ELAVL2: variants seen among roughly 807,000 people sequenced by gnomAD.
ELAVL2 encodes ELAV like RNA binding protein 2.
In ELAVL2, 4 loss-of-function variants were observed where a neutral mutation model predicts 34.6. The ratio of observed to expected loss-of-function variants is 0.12; its 90% CI spans 0.06 to 0.26. ELAVL2 has a LOEUF of 0.26. Among genes scored for constraint, ELAVL2 ranks in the 10% least tolerant of loss-of-function variants. ELAVL2 has a pLI of 1.00. For synonymous variants in ELAVL2, 193 were observed against 154.8 expected, an observed-to-expected ratio of 1.25 and a Z score of -1.83; for missense variants, 432 against 442.8, an observed-to-expected ratio of 0.98 and a Z score of 0.22.
chr9:23,826,593 G>A (rs2065314569), upstream of ELAVL2, among the ~76,000 whole-genome samples: 2 of 152,238 alleles, frequency 1.3e-5, no homozygotes, highest in Admixed American at 6.5e-5. Flanking sequence ...AATGTGGAGA[G>A]AGCAACGTGG....
At chr9:23,831,960 G>A in the ELAVL2 span, among the ~76,000 whole-genome samples, 5 of 152,142 alleles carry the variant, frequency 3.3e-5, no homozygotes, top group African/African-American at 1.2e-4. Flanking sequence ...TAAACAATTT[G>A]AAAAGTACAG....
Position 23,762,238 on chromosome 9 carries a change from A to G in ELAVL2, c.-4T>C. 1 of 1,613,288 alleles carries G rather than the reference A, an allele frequency of 6.2e-7. No homozygotes were observed. The highest frequency in any genetic ancestry group is 8.5e-7 in the Non-Finnish European group (1 of 1,179,490). ...CATTAGACAGTTGTGTTTCCATGGC[A>G]GCAATTACCTGCTAAAAACAGAGAA... On this transcript the variant is annotated 5_prime_UTR_variant, in exon 2 of 7. Transcript: ENST00000397312.
intron 2 of ELAVL2, among the ~76,000 whole-genome samples, chr9:23,761,453 CAAG>C (rs1411149491): frequency 1.3e-5 from 2 of 151,966 alleles, no homozygotes; most frequent in Non-Finnish European, 2.9e-5. Flanking sequence ...ATCTTTATAA[CAAG>C]AAGGACAATC....
At chr9:23,693,855 C>T (rs1323629154) in intron 5 of ELAVL2, among the ~76,000 whole-genome samples, 1 of 152,210 alleles carries the variant, frequency 6.6e-6, no homozygotes, top group African/African-American at 2.4e-5. Flanking sequence ...TTTCACAACT[C>T]TGTTGGTGCC....
chr9:23,849,363 C>T, the ELAVL2 span, among the ~76,000 whole-genome samples: 2 of 152,164 alleles, frequency 1.3e-5, no homozygotes, highest in African/African-American at 2.4e-5. Flanking sequence ...TGTATTATTT[C>T]ATCATCATTT....
chr9:23,804,339 A>C (rs2061948666), intron 1 of ELAVL2, among the ~76,000 whole-genome samples: 1 of 152,136 alleles, frequency 6.6e-6, no homozygotes, highest in African/African-American at 2.4e-5. Flanking sequence ...AATTTCATGA[A>C]CACTTTGAAC....
At chr9:23,714,205 C>G (rs897934628) in intron 3 of ELAVL2, among the ~76,000 whole-genome samples, 2 of 152,230 alleles carry the variant, frequency 1.3e-5, no homozygotes, top group Admixed American at 6.5e-5. Context: ...GTTTATGCAG[C>G]ATCATCATCC....
At chr9:23,802,782 GATCT>G (rs1256590085) in intron 1 of ELAVL2, among the ~76,000 whole-genome samples, 2 of 152,160 alleles carry the variant, frequency 1.3e-5, no homozygotes, top group Non-Finnish European at 2.9e-5. Context: ...CAGTTGACTA[GATCT>G]ATTAAGCCAG....
At chr9:23,788,205 T>C (rs1228337326) in intron 1 of ELAVL2, among the ~76,000 whole-genome samples, 6 of 152,154 alleles carry the variant, frequency 3.9e-5, no homozygotes, top group Non-Finnish European at 8.8e-5. Context: ...ATATAAAATA[T>C]AACAAGTGAG....
intron 3 of ELAVL2, among the ~76,000 whole-genome samples, chr9:23,727,832 TGA>T (rs1460094435): frequency 6.6e-6 from 1 of 152,056 alleles, no homozygotes; most frequent in Non-Finnish European, 1.5e-5. Context: ...AAAACCCTAC[TGA>T]GCTAATGCTA....
chr9:23,790,025 T>C (rs1381239163), intron 1 of ELAVL2, among the ~76,000 whole-genome samples: 2 of 150,802 alleles, frequency 1.3e-5, no homozygotes, highest in Non-Finnish European at 3.0e-5. Context: ...GCTTGAATAA[T>C]CCATTAAGAT....
intron 5 of ELAVL2, among the ~76,000 whole-genome samples, chr9:23,698,086 A>C (rs1293025606): frequency 6.6e-6 from 1 of 152,220 alleles, no homozygotes; most frequent in Non-Finnish European, 1.5e-5. Flanking sequence ...TCAAGTGCTC[A>C]TTTAAAAGGC....
intron 1 of ELAVL2, among the ~76,000 whole-genome samples, chr9:23,785,717 A>G (rs554670148): frequency 6.6e-6 from 1 of 152,330 alleles, no homozygotes. Flanking sequence ...CCAGGTCTGC[A>G]TCAATCTGTA....
At chr9:23,750,277 G>A (rs1022467743) in intron 2 of ELAVL2, among the ~76,000 whole-genome samples, 1 of 151,848 alleles carries the variant, frequency 6.6e-6, no homozygotes, top group Non-Finnish European at 1.5e-5. Flanking sequence ...ATGTTATCAC[G>A]CCTTTTTGCA....
chr9:23,699,028 T>G (rs1476610961), intron 5 of ELAVL2, among the ~76,000 whole-genome samples: 1 of 152,224 alleles, frequency 6.6e-6, no homozygotes, highest in Non-Finnish European at 1.5e-5. Context: ...CCCTTACAAC[T>G]GACAATCTCT....
At chr9:23,760,835 G>C (rs2054806635) in intron 2 of ELAVL2, among the ~76,000 whole-genome samples, 1 of 151,998 alleles carries the variant, frequency 6.6e-6, no homozygotes, top group African/African-American at 2.4e-5. Flanking sequence ...GTAGCTTGAG[G>C]AAATATGATT....
chr9:23,764,966 T>TAA (rs3838725), intron 1 of ELAVL2: 3 of 1,585,212 alleles, frequency 1.9e-6, no homozygotes, highest in Non-Finnish European at 2.6e-6. Flanking sequence ...TCCAACATGC[T>TAA]AAAAAAAAGT....
intron 1 of ELAVL2, among the ~76,000 whole-genome samples, chr9:23,769,304 A>G (rs1007017673): frequency 6.6e-6 from 1 of 152,186 alleles, no homozygotes; most frequent in Non-Finnish European, 1.5e-5. Context: ...AATTGGTGAA[A>G]TAAGTCATAT....
chr9:23,830,626 CT>C (rs1166898887), upstream of ELAVL2, among the ~76,000 whole-genome samples: 700 of 72,516 alleles, frequency 9.7e-3, 10 homozygotes, highest in East Asian at 0.13. Flanking sequence ...ACACACACAC[CT>C]TTTTTTTTTT....
Sources: allele counts gnomAD v4.1 joint callset (sites outside exome capture counted in the v4.1 genomes callset), GRCh38; gene constraint gnomAD v4.1.1; transcripts MANE v1.5; gene names NCBI Gene and HGNC (gene_info 2026-07-23, HGNC 2026-07-21).